TUBGCP4: variants seen among roughly 807,000 people sequenced by gnomAD.
The protein encoded by TUBGCP4 is gamma-tubulin complex component 4.
A neutral mutation model predicts 91.6 loss-of-function variants in TUBGCP4; 54 were observed. The ratio of observed to expected loss-of-function variants is 0.59; its 90% CI spans 0.47 to 0.74. The LOEUF (loss-of-function observed/expected upper bound fraction) is 0.74. TUBGCP4 is among the 30% of genes least tolerant of loss of function. The pLI is 0.00. For synonymous variants in TUBGCP4, 297 were observed against 302.8 expected, an observed-to-expected ratio of 0.98 and a Z score of 0.20; for missense variants, 593 against 800.9, an observed-to-expected ratio of 0.74 and a Z score of 3.13.
chr15:43,401,604 AGAAG>A, intron 14 of TUBGCP4, 108 bp from the exon 15 acceptor site: 1 of 1,135,840 alleles, frequency 8.8e-7, no homozygotes, highest in Non-Finnish European at 1.3e-6. Context: ...TGACTTGGTT[AGAAG>A]GAAGATGAGT....
intron 13 of TUBGCP4, 108 bp from the exon 14 acceptor site, chr15:43,399,935 CT>C: frequency 1.5e-6 from 1 of 662,368 alleles, no homozygotes; most frequent in Non-Finnish European, 2.5e-6. Context: ...TCTTTCCTTA[CT>C]GCCTGTTTGT....
At position 43,405,306 on chromosome 15, in the gene TUBGCP4, A is replaced by G. The variant is rs1403821988; in HGVS notation, c.*92A>G. On this transcript the variant is annotated 3_prime_UTR_variant, in exon 18 of 18. Coordinates refer to ENST00000564079, the MANE Select transcript of TUBGCP4 (RefSeq NM_014444.5). ...TCCCATTCTAGCCACACACAAATAAATATCTGCGGCTTAGTGATAGGACTC... is the reference window on the plus strand; with the variant it reads ...TCCCATTCTAGCCACACACAAATAAGTATCTGCGGCTTAGTGATAGGACTC... 9.0e-6 allele frequency: 13 copies of G among 1,449,650 alleles called. No homozygotes were observed. The Admixed American group carries it at 1.0e-4, about 11-fold the overall frequency. 89.8% of individuals were successfully genotyped at this position (1,449,650 alleles called of 1,614,324 possible).
chr15:43,403,732 C>A lies in TUBGCP4; in HGVS notation c.1781C>A (p.Ser594Ter). Residue 594 changes from serine to a stop codon, truncating the protein, a stop_gained, in exon 16 of 18, where the codon TCG becomes TAG. Transcript: ENST00000564079. LOFTEE classifies it high-confidence loss of function. Reference sequence around the variant, plus strand: ...CTAGATCTCTGTCACAGTTTTTGTTCGCTGGTCAGTCAGAACCTAGGCCCA... The same window carrying A: ...CTAGATCTCTGTCACAGTTTTTGTTAGCTGGTCAGTCAGAACCTAGGCCCA... ...EILDLCHSFC[S>*]LVSQNLGPLD... 1 of 1,613,406 alleles carries A rather than the reference C, an allele frequency of 6.2e-7. No homozygotes were observed. Among genetic ancestry groups the A allele is most frequent in the African/African-American group, 1.3e-5 (1 of 75,008 alleles).
At chr15:43,376,738 A>G (rs897292062) in intron 3 of TUBGCP4, 113 bp downstream of exon 3, 5 of 1,448,258 alleles carry the variant, frequency 3.5e-6, no homozygotes, top group Middle Eastern at 2.4e-4. Context: ...AGTTGCCTGC[A>G]TGGCTGGAAG....
At chr15:43,381,692 A>G (rs978193946) in intron 6 of TUBGCP4, among the ~76,000 whole-genome samples, 2 of 152,212 alleles carry the variant, frequency 1.3e-5, no homozygotes, top group African/African-American at 4.8e-5. Context: ...AGATCTCGCC[A>G]CTGTAATCCA....
chr15:43,384,391 A>G (rs2044326652), intron 7 of TUBGCP4, among the ~76,000 whole-genome samples: 2 of 152,166 alleles, frequency 1.3e-5, no homozygotes, highest in African/African-American at 4.8e-5. Context: ...TGGTCATGGG[A>G]TAGGGTCTTG....
At chr15:43,396,119 C>A (rs1041450063) in intron 11 of TUBGCP4, among the ~76,000 whole-genome samples, 2 of 152,224 alleles carry the variant, frequency 1.3e-5, no homozygotes, top group African/African-American at 2.4e-5. Flanking sequence ...CTCTCTCTCT[C>A]TCATTCACTC....
At position 43,407,775 on chromosome 15, in the gene TUBGCP4, C is replaced by G; in HGVS notation, c.*2561C>G. On this transcript the variant is annotated 3_prime_UTR_variant, in exon 18 of 18. Transcript: ENST00000564079. Reference sequence around the variant, plus strand: ...GTAGAAATATTTAACAAATATACGTCCAGTGCTTCACTTATGTTGACTCAC... The same window carrying G: ...GTAGAAATATTTAACAAATATACGTGCAGTGCTTCACTTATGTTGACTCAC... The G allele has an allele frequency of 1.3e-6, 1 of 790,394 alleles. No homozygotes were observed. Among genetic ancestry groups the G allele is most frequent in the Non-Finnish European group, 2.0e-6 (1 of 500,052 alleles). The allele number at this position is 790,394 out of a possible 1,614,324, so 49.0% of individuals were successfully genotyped here. A position where few individuals can be genotyped will look rare whatever the true frequency, so the allele number is the denominator to read the frequency against.
intron 9 of TUBGCP4, among the ~76,000 whole-genome samples, chr15:43,390,533 A>G (rs1340414969): frequency 1.5e-5 from 2 of 135,446 alleles, no homozygotes; most frequent in Admixed American, 7.7e-5. Context: ...TTTTTTTGAG[A>G]CAGAGTCTCA....
intron 7 of TUBGCP4, among the ~76,000 whole-genome samples, chr15:43,384,945 A>G (rs1285133914): frequency 1.3e-5 from 2 of 152,200 alleles, no homozygotes; most frequent in Non-Finnish European, 2.9e-5. Flanking sequence ...GGTGTGAGAG[A>G]TGTTTAGAGG....
chr15:43,371,945 G>A (rs2044130274), intron 1 of TUBGCP4, among the ~76,000 whole-genome samples: 1 of 152,114 alleles, frequency 6.6e-6, no homozygotes, highest in Non-Finnish European at 1.5e-5. Context: ...GTGTAACCAG[G>A]AATGTATGAT....
Position 43,380,154 on chromosome 15 carries a change from C to T in TUBGCP4, c.512C>T (p.Ala171Val). The change falls in exon 6 of 18, where the codon GCA becomes GTA. Residue 171 changes from alanine (A) to valine (V), a missense_variant. Ala to Val is a moderately conservative substitution (Grantham distance 64, BLOSUM62 0). Transcript: ENST00000564079. ...GGGGGGTTGCCTCCTGTTCGAAGTG[C>T]ACTGGAAAAGTAAGTCATGGCTTAA... ...SCGGLPPVRS[A>V]LEKILAVCHG... The T allele has an allele frequency of 6.2e-7, 1 of 1,613,900 alleles. No homozygotes were observed. Among genetic ancestry groups the T allele is most frequent in the Non-Finnish European group, 8.5e-7 (1 of 1,179,822 alleles).
rs1284543392 is a variant in TUBGCP4, at chr15:43,376,575, G to T, written c.280G>T (p.Asp94Tyr). The T allele has an allele frequency of 6.2e-7, 1 of 1,614,238 alleles. No individual in the cohort carries two copies. The highest frequency in any genetic ancestry group is 1.1e-5 in the South Asian group (1 of 91,088). The change falls in exon 3 of 18, where the codon GAT becomes TAT. Residue 94 changes from aspartate to tyrosine, a missense_variant. By Grantham distance (160) the Asp-to-Tyr change is radical. Coordinates refer to ENST00000564079, the MANE Select transcript of TUBGCP4 (RefSeq NM_014444.5). Reference sequence around the variant, plus strand: ...CCTGCGGGCCTTCTGCACAGGGCTGGATTCTGTTTTGCAGCCTTATCGCCA... The same window carrying T: ...CCTGCGGGCCTTCTGCACAGGGCTGTATTCTGTTTTGCAGCCTTATCGCCA... Reference protein sequence around the residue: ...IYLRAFCTGLDSVLQPYRQAL... With the variant: ...IYLRAFCTGLYSVLQPYRQAL...
At position 43,406,521 on chromosome 15, in the gene TUBGCP4, C is replaced by A; in HGVS notation, c.*1307C>A. 1 of 449,522 alleles carries A rather than the reference C, an allele frequency of 2.2e-6. No individual in the cohort carries two copies. The highest frequency in any genetic ancestry group is 4.5e-6 in the Non-Finnish European group (1 of 224,494). The allele number at this position is 449,522 out of a possible 1,614,324, so 27.8% of individuals were successfully genotyped here. ...CTCATTGTCTATGGTTGCTTTCATG[C>A]CCTCACAGCAAAGGCGAGTAGTTGT... On this transcript the variant is annotated 3_prime_UTR_variant, in exon 18 of 18. Transcript: ENST00000564079.
chr15:43,409,768 AT>A lies in TUBGCP4; in HGVS notation c.*4555del. On this transcript the variant is annotated 3_prime_UTR_variant, in exon 18 of 18. Transcript: ENST00000564079. Reference sequence around the variant, plus strand: ...TATATTAAAAAAAAAAACCAAGATAATAATTACTGAGTGGTTTTCTTATTTG... The same window carrying A: ...TATATTAAAAAAAAAAACCAAGATAAAATTACTGAGTGGTTTTCTTATTTG... The A allele has an allele frequency of 8.4e-7, 1 of 1,190,822 alleles. No homozygotes were observed. Among genetic ancestry groups the A allele is most frequent in the Non-Finnish European group, 1.2e-6 (1 of 847,090 alleles). 73.8% of individuals were successfully genotyped at this position (1,190,822 alleles called of 1,614,324 possible). A position where few individuals can be genotyped will look rare whatever the true frequency, so the allele number is the denominator to read the frequency against.
At chr15:43,379,283 A>G (rs551004191) in intron 5 of TUBGCP4, among the ~76,000 whole-genome samples, 1 of 152,346 alleles carries the variant, frequency 6.6e-6, no homozygotes, top group Non-Finnish European at 1.5e-5. Context: ...TTTACTAAAA[A>G]TTGTTTATTA....
At position 43,403,811 on chromosome 15, in the gene TUBGCP4, TG is replaced by T. The variant is rs1566904662; in HGVS notation, c.1848+14del. Reference sequence around the variant, plus strand: ...GCATTCTCGTGAAGGTGCGTCTGCCTGGAAGTATGCAGCCTTGCCGAAAGGA... The same window carrying T: ...GCATTCTCGTGAAGGTGCGTCTGCCTGAAGTATGCAGCCTTGCCGAAAGGA... On this transcript the variant is annotated intron_variant, in intron 16 of 17. Transcript: ENST00000564079. The T allele has an allele frequency of 6.3e-7, 1 of 1,596,222 alleles. No homozygotes were observed. The highest frequency in any genetic ancestry group is 8.6e-7 in the Non-Finnish European group (1 of 1,163,792).
At chr15:43,400,926 A>G (rs2044666454) in intron 14 of TUBGCP4, among the ~76,000 whole-genome samples, 1 of 151,970 alleles carries the variant, frequency 6.6e-6, no homozygotes, top group Non-Finnish European at 1.5e-5. Flanking sequence ...TCCAAAAAAA[A>G]AAAACTCCAG....
Position 43,376,517 on chromosome 15 carries a change from T to G in TUBGCP4, c.222T>G (p.Ser74=), listed in dbSNP as rs746881815. 6 of 1,614,104 alleles carry G rather than the reference T, an allele frequency of 3.7e-6. No individual in the cohort carries two copies. Among genetic ancestry groups the G allele is most frequent in the East Asian group, 2.2e-5 (1 of 44,904 alleles). The change falls in exon 3 of 18, where the codon TCT becomes TCG. Residue 74 remains serine, a synonymous_variant. Transcript: ENST00000564079. ...TTTGATTTCAGGATCACCATCCATCTCAACAGGGCCAAGGTGGGTTACATG... is the reference window on the plus strand; with the variant it reads ...TTTGATTTCAGGATCACCATCCATCGCAACAGGGCCAAGGTGGGTTACATG... ...GHVQQQDHHP[S]QQGQGGLHGI... is the part of the protein sequence containing the mutation.
Sources: gnomAD v4.1 joint callset for allele counts (sites outside exome capture counted in the v4.1 genomes callset) on GRCh38, gnomAD v4.1.1 for gene constraint, MANE v1.5 for transcripts, NCBI Gene and HGNC (gene_info 2026-07-23, HGNC 2026-07-21) for gene names.